The following STAG1 variants were observed in gnomAD, a reference collection of about 807,000 sequenced individuals.
STAG1 encodes cohesin subunit SA-1.
Under a neutral mutation model 170.9 loss-of-function variants are expected in STAG1, and 26 were observed. That is an observed-to-expected ratio of 0.15 (90% CI 0.11 to 0.21). The LOEUF is 0.21. Among genes scored for constraint, STAG1 ranks in the 10% least tolerant of loss-of-function variants. The pLI is 1.00. For missense variants in STAG1, 964 were observed against 1,509.5 expected (o/e 0.64, Z 5.99); for synonymous variants, 514 against 497.7 (o/e 1.03, Z -0.44).
intron 5 of STAG1, among the ~76,000 whole-genome samples, chr3:136,555,441 T>C (rs1936574300): frequency 6.6e-6 from 1 of 151,884 alleles, no homozygotes; most frequent in African/African-American, 2.4e-5. Flanking sequence ...CCCAGCACTT[T>C]GGGAGGCTAA....
chr3:136,376,017 A>T lies in STAG1; in HGVS notation c.2370+1643T>A, dbSNP rs1379678752. 8.6e-3 allele frequency among the ~76,000 whole-genome samples: 148 copies of T among 17,308 alleles called. No individual in the cohort carries two copies. The African/African-American group carries it at 0.091, about 11-fold the overall frequency. The allele number at this position is 17,308 out of a possible 152,430, so 11.4% of individuals were successfully genotyped here. A position where few individuals can be genotyped will look rare whatever the true frequency, so the allele number is the denominator to read the frequency against. On this transcript the variant is annotated intron_variant, in intron 23 of 33. Transcript: ENST00000383202. ...ATAAATAAATAAATAAATAATTAAC[A>T]AAATAAAATAAAATAAAATAAAATA... is the stretch of plus-strand genomic sequence containing the variant.
chr3:136,346,047 A>G (rs1377020952), intron 29 of STAG1, among the ~76,000 whole-genome samples: 1 of 152,240 alleles, frequency 6.6e-6, no homozygotes, highest in Non-Finnish European at 1.5e-5. Flanking sequence ...TGAACCTGGT[A>G]AACTCGTCTG....
chr3:136,643,027 G>A (rs1940861801), intron 1 of STAG1, among the ~76,000 whole-genome samples: 1 of 152,100 alleles, frequency 6.6e-6, no homozygotes, highest in South Asian at 2.1e-4. Context: ...ATTGGATTAG[G>A]GCCTACGCTA....
chr3:136,698,069 C>G (rs1469921649), intron 1 of STAG1, among the ~76,000 whole-genome samples: 1 of 151,654 alleles, frequency 6.6e-6, no homozygotes, highest in East Asian at 1.9e-4. Flanking sequence ...CACAAAAATT[C>G]TACAATATCA....
At chr3:136,352,429 G>C (rs574665217) in intron 28 of STAG1, among the ~76,000 whole-genome samples, 1 of 152,120 alleles carries the variant, frequency 6.6e-6, no homozygotes. Flanking sequence ...CAAAGTGCTG[G>C]GATTATAGGT....
intron 1 of STAG1, among the ~76,000 whole-genome samples, chr3:136,713,916 G>A (rs979642836): frequency 6.6e-6 from 1 of 151,852 alleles, no homozygotes; most frequent in East Asian, 1.9e-4. Flanking sequence ...CCAGCTACTC[G>A]GGTGCCTGAG....
intron 1 of STAG1, among the ~76,000 whole-genome samples, chr3:136,662,020 T>C (rs1941598980): frequency 6.6e-6 from 1 of 152,224 alleles, no homozygotes; most frequent in African/African-American, 2.4e-5. Flanking sequence ...TGCAACCTAC[T>C]ATCCTTCATC....
At chr3:136,374,175 T>A (rs2108301918) in intron 23 of STAG1, among the ~76,000 whole-genome samples, 1 of 152,316 alleles carries the variant, frequency 6.6e-6, no homozygotes, top group African/African-American at 2.4e-5. Context: ...CCTGCCTTTT[T>A]TTGTTTTCCA....
intron 29 of STAG1, chr3:136,348,723 C>T (rs1010151669): frequency 8.5e-5 from 15 of 177,208 alleles, no homozygotes; most frequent in Non-Finnish European, 1.4e-4. Context: ...CACTGTCTTA[C>T]TGTTCCAACC....
At chr3:136,725,154 A>T (rs1172110487) in intron 1 of STAG1, among the ~76,000 whole-genome samples, 2 of 152,182 alleles carry the variant, frequency 1.3e-5, no homozygotes, top group Non-Finnish European at 2.9e-5. Context: ...TTTTAAATCA[A>T]CTAAGGAAGC....
chr3:136,452,598 A>G (rs1313841483), intron 13 of STAG1, among the ~76,000 whole-genome samples: 1 of 152,076 alleles, frequency 6.6e-6, no homozygotes, highest in African/African-American at 2.4e-5. Flanking sequence ...ATCTATTTCA[A>G]TAGAAATATG....
intron 21 of STAG1, among the ~76,000 whole-genome samples, chr3:136,408,819 A>G (rs2087552234): frequency 6.6e-6 from 1 of 152,222 alleles, no homozygotes; most frequent in Admixed American, 6.5e-5. Flanking sequence ...TAGACAGATA[A>G]AAAATGGATA....
At chr3:136,437,054 A>G (rs942493169) in intron 15 of STAG1, among the ~76,000 whole-genome samples, 2 of 152,348 alleles carry the variant, frequency 1.3e-5, no homozygotes, top group East Asian at 3.9e-4. Flanking sequence ...ATTTGGCTGG[A>G]GCTAAAGGAA....
intron 7 of STAG1, chr3:136,518,455 C>T (rs1374839852): frequency 8.6e-6 from 6 of 696,858 alleles, no homozygotes; most frequent in South Asian, 7.5e-5. Context: ...TAATCTATTC[C>T]TCGTACATAT....
intron 1 of STAG1, among the ~76,000 whole-genome samples, chr3:136,711,854 G>A (rs1943390255): frequency 2.6e-5 from 4 of 151,756 alleles, no homozygotes; most frequent in Admixed American, 2.6e-4. Context: ...ATCTATTCCA[G>A]GTGAATTACA....
At chr3:136,570,354 ATTG>A (rs1193067988) in intron 4 of STAG1, among the ~76,000 whole-genome samples, 1 of 152,168 alleles carries the variant, frequency 6.6e-6, no homozygotes, top group Non-Finnish European at 1.5e-5. Context: ...ATTCAGCAGC[ATTG>A]TTATGTGTAT....
At chr3:136,467,422 A>G (rs1416887909) in intron 12 of STAG1, among the ~76,000 whole-genome samples, 3 of 152,228 alleles carry the variant, frequency 2.0e-5, no homozygotes, top group Admixed American at 6.5e-5. Context: ...AGGCCATTAC[A>G]TAATGGCAAA....
intron 1 of STAG1, among the ~76,000 whole-genome samples, chr3:136,700,359 T>C (rs903914119): frequency 2.6e-5 from 4 of 151,580 alleles, no homozygotes; most frequent in African/African-American, 9.7e-5. Context: ...TATTTAATCT[T>C]TTAAACTCAT....
At chr3:136,563,706 T>A (rs548913162) in intron 5 of STAG1, among the ~76,000 whole-genome samples, 35 of 151,562 alleles carry the variant, frequency 2.3e-4, no homozygotes, top group African/African-American at 7.3e-4. Context: ...ATTCTGCAAT[T>A]TGTATTTTGC....
Sources: gnomAD v4.1 joint callset for allele counts (sites outside exome capture counted in the v4.1 genomes callset) on GRCh38, gnomAD v4.1.1 for gene constraint, MANE v1.5 for transcripts, NCBI Gene and HGNC (gene_info 2026-07-23, HGNC 2026-07-21) for gene names.